Variants in ROBO2 observed in about 807,000 individuals in gnomAD.
ROBO2 encodes roundabout homolog 2.
A neutral mutation model predicts 160.8 loss-of-function variants in ROBO2; 53 were observed. The ratio of observed to expected loss-of-function variants is 0.33; its 90% CI spans 0.26 to 0.41. ROBO2 has a LOEUF of 0.41. Ranked by LOEUF, ROBO2 falls within the 10% of genes least tolerant of loss-of-function variation. The probability of loss-of-function intolerance (pLI) is 1.00; values close to 1 mark genes in which losing one functional copy is unlikely to be tolerated. For synonymous variants in ROBO2, 664 were observed against 611.7 expected (o/e 1.09, Z -1.26); for missense variants, 1,577 against 1,722.4 (o/e 0.92, Z 1.49).
chr3:75,993,852 A>G (rs1378349917), intron 2 of ROBO2, among the ~76,000 whole-genome samples: 1 of 152,128 alleles, frequency 6.6e-6, no homozygotes, highest in African/African-American at 2.4e-5. Context: ...TCTCTTTCTC[A>G]TATGTTCTTG....
At chr3:76,910,634 G>C (rs1176299219) in intron 2 of ROBO2, among the ~76,000 whole-genome samples, 1 of 147,490 alleles carries the variant, frequency 6.8e-6, no homozygotes, top group African/African-American at 2.5e-5. Context: ...GCTGAGGCAG[G>C]AGAATCGCTT....
chr3:76,736,811 C>A (rs1309264155), intron 2 of ROBO2, among the ~76,000 whole-genome samples: 1 of 152,168 alleles, frequency 6.6e-6, no homozygotes, highest in Non-Finnish European at 1.5e-5. Flanking sequence ...TAAAGCCTAG[C>A]ATAAAATCAT....
intron 2 of ROBO2, among the ~76,000 whole-genome samples, chr3:76,197,447 G>A (rs1267962598): frequency 6.6e-6 from 1 of 151,424 alleles, no homozygotes; most frequent in African/African-American, 2.4e-5. Context: ...CTTTTGGGGA[G>A]TGATAATCCA....
At chr3:77,490,099 CTTTTTTTTTT>C (rs753903306) in intron 4 of ROBO2, among the ~76,000 whole-genome samples, 1 of 126,662 alleles carries the variant, frequency 7.9e-6, no homozygotes, top group Non-Finnish European at 1.7e-5. Flanking sequence ...TTGTATTTTA[CTTTTTTTTTT>C]TTTTTTTTTG....
chr3:77,600,351 C>T (rs2094405906), intron 19 of ROBO2, among the ~76,000 whole-genome samples: 1 of 152,054 alleles, frequency 6.6e-6, no homozygotes, highest in Non-Finnish European at 1.5e-5. Context: ...CAATATGCAG[C>T]CTAAAAATCA....
At chr3:76,139,820 G>A (rs1288351131) in intron 2 of ROBO2, among the ~76,000 whole-genome samples, 1 of 152,008 alleles carries the variant, frequency 6.6e-6, no homozygotes, top group African/African-American at 2.4e-5. Context: ...GTAAAACATG[G>A]TGAAGTTTCG....
chr3:77,390,115 G>C (rs2074565797), intron 2 of ROBO2, among the ~76,000 whole-genome samples: 1 of 152,084 alleles, frequency 6.6e-6, no homozygotes, highest in African/African-American at 2.4e-5. Flanking sequence ...TGAGATGAAG[G>C]TGGTAAGATC....
chr3:76,718,116 G>A lies in ROBO2; in HGVS notation c.110-379898G>A, dbSNP rs190529986. Among the ~76,000 whole-genome samples the A allele has an allele frequency of 9.4e-3, 1,425 of 152,274 alleles. 27 individuals are homozygous for A. Among genetic ancestry groups the A allele is most frequent in the African/African-American group, 0.032 (1,349 of 41,556 alleles). On this transcript the variant is annotated intron_variant, in intron 2 of 26. Transcript: ENST00000487694. ...GTGAGTGGATAAACGATGTGTATAAGTGTCTACCATAGACAGGATTATCTC... is the reference window on the plus strand; with the variant it reads ...GTGAGTGGATAAACGATGTGTATAAATGTCTACCATAGACAGGATTATCTC...
rs190244435 is a variant in ROBO2 at position 76,249,811 on chromosome 3, G to A, written c.109+312209G>A. On this transcript the variant is annotated intron_variant, in intron 2 of 26. Transcript: ENST00000487694. Reference sequence around the variant, plus strand: ...GATGGACTTTCCAATTTAGACCACCGTTTCTCAAAGGATATTTGAAGAATG... The same window carrying A: ...GATGGACTTTCCAATTTAGACCACCATTTCTCAAAGGATATTTGAAGAATG... 1.2e-4 allele frequency among the ~76,000 whole-genome samples: 18 copies of A among 152,156 alleles called. No homozygotes were observed. In the East Asian group the frequency reaches 1.4e-3, roughly 11 times the overall value.
At chr3:77,111,172 G>A (rs924523244) in intron 2 of ROBO2, among the ~76,000 whole-genome samples, 1 of 151,926 alleles carries the variant, frequency 6.6e-6, no homozygotes, top group Non-Finnish European at 1.5e-5. Context: ...CATACAGGGA[G>A]AACATACTTG....
intron 2 of ROBO2, among the ~76,000 whole-genome samples, chr3:77,123,638 A>G (rs1043385710): frequency 6.6e-6 from 1 of 151,608 alleles, no homozygotes; most frequent in Non-Finnish European, 1.5e-5. Context: ...AATTCTAGAG[A>G]GTGGACAAGA....
chr3:76,482,871 A>G (rs1189055310), intron 2 of ROBO2, among the ~76,000 whole-genome samples: 6 of 152,056 alleles, frequency 3.9e-5, no homozygotes, highest in South Asian at 2.1e-4. Context: ...ATTTCAAGCA[A>G]TTTGCAAAAT....
chr3:77,432,707 A>G (rs1238124476), intron 2 of ROBO2, among the ~76,000 whole-genome samples: 1 of 152,184 alleles, frequency 6.6e-6, no homozygotes, highest in Non-Finnish European at 1.5e-5. Flanking sequence ...GTGTTTGCCT[A>G]TCACTGAATG....
chr3:76,161,205 GA>G (rs78183583), intron 2 of ROBO2, among the ~76,000 whole-genome samples: 6,958 of 152,098 alleles, frequency 0.046, 368 homozygotes, highest in East Asian at 0.22. Context: ...TCTGATGACA[GA>G]AGGGGGTGAA....
At chr3:77,281,484 A>G (rs1193520350) in intron 2 of ROBO2, among the ~76,000 whole-genome samples, 1 of 138,486 alleles carries the variant, frequency 7.2e-6, no homozygotes, top group Admixed American at 7.8e-5. Context: ...ATAAGAAAAA[A>G]TATAAGGAAG....
At chr3:76,864,898 G>T (rs2071200606) in intron 2 of ROBO2, among the ~76,000 whole-genome samples, 1 of 151,946 alleles carries the variant, frequency 6.6e-6, no homozygotes. Context: ...ACAAAATGTG[G>T]GACTAGTCAT....
intron 2 of ROBO2, among the ~76,000 whole-genome samples, chr3:76,524,856 A>T (rs2081854080): frequency 2.1e-5 from 3 of 143,564 alleles, no homozygotes; most frequent in African/African-American, 7.8e-5. Context: ...AAAAAAAAAA[A>T]AAAAAAAAAA....
chr3:77,644,574 TC>T, intron 24 of ROBO2, 129 bp from the exon 27 acceptor site: 2 of 843,166 alleles, frequency 2.4e-6, no homozygotes, highest in Non-Finnish European at 1.9e-6. Context: ...TGATTAAACT[TC>T]ATAATTTTAA....
rs942798305 is a variant in ROBO2 at position 77,375,619 on chromosome 3, A to C, written c.389-101795A>C. Among the ~76,000 whole-genome samples, 5 of 152,210 alleles carry C rather than the reference A, an allele frequency of 3.3e-5. No individual in the cohort carries two copies. The East Asian group carries it at 9.6e-4, about 29-fold the overall frequency. On this transcript the variant is annotated intron_variant, in intron 2 of 25. Transcript: ENST00000461745. ...CTATGAAACTATCTAAACTAGAAAC[A>C]TACTAGGGTTCAAGTTAAGATAATG...
Sources: gnomAD v4.1 joint callset for allele counts (sites outside exome capture counted in the v4.1 genomes callset) on GRCh38, gnomAD v4.1.1 for gene constraint, MANE v1.5 for transcripts, NCBI Gene and HGNC (gene_info 2026-07-23, HGNC 2026-07-21) for gene names.